The following SEPTIN9 variants were observed in gnomAD, a reference collection of about 807,000 sequenced individuals.
The protein encoded by SEPTIN9 is septin 9.
SEPTIN9 carries 13 observed loss-of-function variants against 56.6 expected under a neutral mutation model. That is an observed-to-expected ratio of 0.23 (90% confidence interval 0.15 to 0.37). The LOEUF is 0.37. SEPTIN9 is among the 10% of genes least tolerant of loss of function. SEPTIN9 has a pLI of 1.00. For synonymous variants in SEPTIN9, 332 were observed against 334.1 expected, an observed-to-expected ratio of 0.99 and a Z score of 0.07; for missense variants, 650 against 823.1, an observed-to-expected ratio of 0.79 and a Z score of 2.57.
At chr17:77,463,868 TA>T (rs967610406) in intron 3 of SEPTIN9, among the ~76,000 whole-genome samples, 12 of 150,880 alleles carry the variant, frequency 8.0e-5, no homozygotes, top group African/African-American at 2.7e-4. Context: ...AAATAAAATT[TA>T]AAAAAAAATA....
At chr17:77,472,628 A>C (rs553361963) in intron 3 of SEPTIN9, 2 of 152,372 alleles carry the variant, frequency 1.3e-5, no homozygotes, top group East Asian at 3.9e-4. Context: ...GCTCGGAGAA[A>C]AATGCAGCTC....
At chr17:77,495,905 T>C (rs901885153) in intron 10 of SEPTIN9, among the ~76,000 whole-genome samples, 8 of 152,350 alleles carry the variant, frequency 5.3e-5, no homozygotes, top group Non-Finnish European at 1.2e-4. Context: ...GGCTCTGCGA[T>C]GGGGCAGCCT....
chr17:77,445,745 C>A lies in SEPTIN9; in HGVS notation c.722-36399C>A. ...GTCCCCTGTGGCTTCCAGAGTGGGA[C>A]CTTGCTGTGGGATAGGCTGGCCAAT... On this transcript the variant is annotated intron_variant, in intron 3 of 11. Coordinates refer to ENST00000427177, the MANE Select transcript of SEPTIN9 (RefSeq NM_001113491.2). This position sits in a 1 kb window ranked among gnomAD's most constrained non-coding sequence, Gnocchi z 4.7. 3.5e-6 allele frequency: 1 copy of A among 282,566 alleles called. No homozygotes were observed. The highest frequency in any genetic ancestry group is 3.5e-5 in the South Asian group (1 of 28,946). 17.5% of individuals were successfully genotyped at this position (282,566 alleles called of 1,614,324 possible). A position where few individuals can be genotyped will look rare whatever the true frequency, so the allele number is the denominator to read the frequency against.
rs1380813514 is a variant in SEPTIN9 at position 77,453,087 on chromosome 17, G to A, written c.722-29057G>A. On this transcript the variant is annotated intron_variant, in intron 3 of 11. Transcript: ENST00000427177. The surrounding 1 kb of genome is among the most constrained non-coding windows in gnomAD (Gnocchi z 4.4). The stretch of plus-strand genomic sequence containing the variant: ...GACACTATTGCATTGGCCACTTTGT[G>A]TTCCCACTAGCCCCCGCCCCTGTAG... Among the ~76,000 whole-genome samples the A allele has an allele frequency of 6.6e-6, 1 of 151,832 alleles. No individual in the cohort carries two copies. Among genetic ancestry groups the A allele is most frequent in the East Asian group, 1.9e-4 (1 of 5,166 alleles).
In SEPTIN9 at chr17:77,453,232, C is replaced by A. The variant is rs2038054735; in HGVS notation, c.722-28912C>A. Among the ~76,000 whole-genome samples, 1 of 152,068 alleles carries A rather than the reference C, an allele frequency of 6.6e-6. No individual in the cohort carries two copies. Among genetic ancestry groups the A allele is most frequent in the African/African-American group, 2.4e-5 (1 of 41,384 alleles). On this transcript the variant is annotated intron_variant, in intron 3 of 11. Transcript: ENST00000427177. The surrounding 1 kb of genome is among the most constrained non-coding windows in gnomAD (Gnocchi z 4.4). ...AAGATGCGACTTCTGCCCTGAGAGC[C>A]CTGCTTTAATGGAAGGCGGGGGCAT...
At chr17:77,486,521 T>TGTGCGCGC (rs757455924) in intron 4 of SEPTIN9, among the ~76,000 whole-genome samples, 7 of 120,204 alleles carry the variant, frequency 5.8e-5, no homozygotes, top group African/African-American at 2.8e-4. Context: ...TGTGTGTGTG[T>TGTGCGCGC]GCGCGCACGC....
chr17:77,414,918 C>T (rs1276908842), intron 3 of SEPTIN9, among the ~76,000 whole-genome samples: 2 of 152,106 alleles, frequency 1.3e-5, no homozygotes, highest in Non-Finnish European at 2.9e-5. Flanking sequence ...CACGTTTGGC[C>T]TTTGTGTCTG....
intron 2 of SEPTIN9, 75 bp from the exon 3 acceptor site, chr17:77,401,984 T>C: frequency 2.0e-6 from 3 of 1,496,496 alleles, no homozygotes; most frequent in Non-Finnish European, 2.7e-6. Context: ...CCTCTGCTGC[T>C]CCTTAGCAGG....
In SEPTIN9 at chr17:77,317,717, G is replaced by C. The variant is rs2032760467; in HGVS notation, c.76+10520G>C. The stretch of plus-strand genomic sequence containing the variant: ...CAACGTGCTTGTGGCCGGGTGCAGT[G>C]GCTCACACCTGTAATCCCAGAGTGA... On this transcript the variant is annotated intron_variant, in intron 2 of 11. Transcript: ENST00000427177. The surrounding 1 kb of genome is among the most constrained non-coding windows in gnomAD (Gnocchi z 4.2). 6.6e-6 allele frequency among the ~76,000 whole-genome samples: 1 copy of C among 152,054 alleles called. No homozygotes were observed. The highest frequency in any genetic ancestry group is 1.5e-5 in the Non-Finnish European group (1 of 68,016).
chr17:77,311,124 C>T (rs1279343460), intron 2 of SEPTIN9, among the ~76,000 whole-genome samples: 1 of 152,048 alleles, frequency 6.6e-6, no homozygotes, highest in Non-Finnish European at 1.5e-5. Context: ...AGCAGAGAGG[C>T]CACAGACACA....
At position 77,369,538 on chromosome 17, in the gene SEPTIN9, C is replaced by G. The variant is rs979892933; in HGVS notation, c.77-32521C>G. ...TAGCACCGTTTCCTAAGATGAGGGGCTGTGGGAACTTGAGGGGCTGTGGAA... is the reference window on the plus strand; with the variant it reads ...TAGCACCGTTTCCTAAGATGAGGGGGTGTGGGAACTTGAGGGGCTGTGGAA... On this transcript the variant is annotated intron_variant, in intron 2 of 11. Coordinates refer to ENST00000427177, the MANE Select transcript of SEPTIN9 (RefSeq NM_001113491.2). The surrounding 1 kb of genome is among the most constrained non-coding windows in gnomAD (Gnocchi z 4.9). Among the ~76,000 whole-genome samples the G allele has an allele frequency of 1.3e-5, 2 of 152,106 alleles. No homozygotes were observed. Among genetic ancestry groups the G allele is most frequent in the African/African-American group, 4.8e-5 (2 of 41,416 alleles).
chr17:77,402,290 C>G lies in SEPTIN9; in HGVS notation c.308C>G (p.Pro103Arg). 1 of 1,612,586 alleles carries G rather than the reference C, an allele frequency of 6.2e-7. No homozygotes were observed. Reference protein sequence around the residue: ...VELSGPKAAEPVSRRTELSID... With the variant: ...VELSGPKAAERVSRRTELSID... The stretch of plus-strand genomic sequence containing the variant: ...CTCTCGGGCCCCAAGGCGGCCGAGC[C>G]GGTGTCCCGGCGCACTGAGCTGTCC... Residue 103 changes from proline (P) to arginine (R), a missense_variant, in exon 3 of 12, where the codon CCG (proline) becomes CGG (arginine). Pro to Arg is a moderately radical substitution (Grantham distance 103, BLOSUM62 -2). Around this residue, in one of 2 missense-constraint regions of SEPTIN9, gnomAD observed 317 missense variants for 329.1 expected, o/e 0.96. Coordinates refer to ENST00000427177, the MANE Select transcript of SEPTIN9 (RefSeq NM_001113491.2). This position sits in a 1 kb window ranked among gnomAD's most constrained non-coding sequence, Gnocchi z 6.6.
intron 2 of SEPTIN9, among the ~76,000 whole-genome samples, chr17:77,368,768 AAAAC>A (rs1416194503): frequency 6.6e-6 from 1 of 152,246 alleles, no homozygotes; most frequent in African/African-American, 2.4e-5. Flanking sequence ...AATTATATTT[AAAAC>A]AAAAGATAAT....
rs1460173842 is a variant in SEPTIN9, at chr17:77,319,473, C to CCCCGT, written c.76+12282_76+12286dup. ...GTGTGGTAGGAATCTTCCAGGAAGT[C>CCCCGT]CCCGTCCCGTTCGCCCTCTCTGCCT... On this transcript the variant is annotated intron_variant, in intron 2 of 11. Coordinates refer to ENST00000427177, the MANE Select transcript of SEPTIN9 (RefSeq NM_001113491.2). The surrounding 1 kb of genome is among the most constrained non-coding windows in gnomAD (Gnocchi z 5.3). 3 of 870,794 alleles carry CCCCGT rather than the reference C, an allele frequency of 3.4e-6. No homozygotes were observed. The highest frequency in any genetic ancestry group is 1.8e-5 in the African/African-American group (1 of 56,096). 53.9% of individuals were successfully genotyped at this position (870,794 alleles called of 1,614,324 possible).
chr17:77,372,891 C>G lies in SEPTIN9; in HGVS notation c.77-29168C>G, dbSNP rs530249210. ...CGCGTGCGCTGCCGTTTAACCCTTG[C>G]AGGCGCAGAGCGCGCGGCGGCGGTG... is the stretch of plus-strand genomic sequence containing the variant. On this transcript the variant is annotated intron_variant, in intron 2 of 11. Coordinates refer to ENST00000427177, the MANE Select transcript of SEPTIN9 (RefSeq NM_001113491.2). Among the ~76,000 whole-genome samples the G allele has an allele frequency of 3.3e-5, 5 of 152,380 alleles. 1 individual carries two copies. The South Asian group carries it at 8.3e-4, about 25-fold the overall frequency.
chr17:77,401,605 G>A (rs1309109382), intron 2 of SEPTIN9, among the ~76,000 whole-genome samples: 2 of 152,056 alleles, frequency 1.3e-5, no homozygotes, highest in Non-Finnish European at 2.9e-5. Flanking sequence ...AATTAGCCAG[G>A]CATGGTGGCC....
intron 10 of SEPTIN9, 74 bp from the exon 11 acceptor site, chr17:77,497,240 GC>G (rs2040308038): frequency 6.9e-7 from 1 of 1,452,034 alleles, no homozygotes; most frequent in Admixed American, 1.9e-5. Context: ...GCATTTCTGG[GC>G]AGGGGGAGAG....
intron 2 of SEPTIN9, among the ~76,000 whole-genome samples, chr17:77,401,617 G>A (rs1386413947): frequency 6.6e-6 from 1 of 151,924 alleles, no homozygotes; most frequent in Non-Finnish European, 1.5e-5. Context: ...ATGGTGGCCC[G>A]TGCCTATAAT....
At chr17:77,461,523 C>T (rs1568088438) in intron 3 of SEPTIN9, among the ~76,000 whole-genome samples, 1 of 152,180 alleles carries the variant, frequency 6.6e-6, no homozygotes, top group Non-Finnish European at 1.5e-5. Flanking sequence ...GACGCTGTCC[C>T]TGCTCTTGTT....
Sources: gnomAD v4.1 joint callset for allele counts (sites outside exome capture counted in the v4.1 genomes callset) on GRCh38, gnomAD v4.1.1 for gene constraint, gnomAD v4.1.1 regional missense constraint, Gnocchi (gnomAD v3.1) non-coding constraint, MANE v1.5 for transcripts, NCBI Gene and HGNC (gene_info 2026-07-23, HGNC 2026-07-21) for gene names.